The following RAB6B variants were observed in gnomAD, a reference collection of about 807,000 sequenced individuals.
The protein encoded by RAB6B is ras-related protein Rab-6B.
In RAB6B, 7 loss-of-function variants were observed where a neutral mutation model predicts 31.2. The ratio of observed to expected loss-of-function variants is 0.22; its 90% CI spans 0.13 to 0.42. RAB6B has a LOEUF of 0.42. Ranked by LOEUF, RAB6B falls within the 10% of genes least tolerant of loss-of-function variation. The probability of loss-of-function intolerance (pLI) is 1.00; values close to 1 mark genes in which losing one functional copy is unlikely to be tolerated. For missense variants in RAB6B, 149 were observed against 280.6 expected, an observed-to-expected ratio of 0.53 and a Z score of 3.35; for synonymous variants, 105 against 104.9, an observed-to-expected ratio of 1.00 and a Z score of -0.01.
intron 1 of RAB6B, among the ~76,000 whole-genome samples, chr3:133,873,324 T>A (rs1191812729): frequency 6.6e-6 from 1 of 152,226 alleles, no homozygotes; most frequent in Admixed American, 6.5e-5. Context: ...GACGGTCTGC[T>A]GGGGCTCCAC....
intron 1 of RAB6B, among the ~76,000 whole-genome samples, chr3:133,882,345 C>T (rs1340293408): frequency 6.6e-6 from 1 of 152,230 alleles, no homozygotes. Flanking sequence ...CTTTGCCACA[C>T]TATATTTGCT....
chr3:133,861,428 C>A (rs78490450), intron 2 of RAB6B, among the ~76,000 whole-genome samples: 143 of 152,264 alleles, frequency 9.4e-4, no homozygotes, highest in African/African-American at 3.4e-3. Flanking sequence ...ACCTGCTCCC[C>A]TGAGGCATCT....
intron 3 of RAB6B, 43 bp from the exon 4 acceptor site, chr3:133,841,433 G>A: frequency 6.3e-7 from 1 of 1,597,530 alleles, no homozygotes; most frequent in Non-Finnish European, 8.6e-7. Flanking sequence ...GGGTCAGTGG[G>A]GCAGTGAGGT....
intron 6 of RAB6B, 54 bp from the exon 7 acceptor site, chr3:133,834,695 T>C (rs970707174): frequency 7.9e-6 from 12 of 1,512,422 alleles, no homozygotes; most frequent in African/African-American, 1.4e-5. Flanking sequence ...TCCCCTCTGC[T>C]CCTCACTGCA....
Position 133,828,713 on chromosome 3 carries a change from C to G in RAB6B, c.*75G>C, listed in dbSNP as rs774666750. The G allele has an allele frequency of 8.2e-6, 12 of 1,471,688 alleles. No individual in the cohort carries two copies. Among genetic ancestry groups the G allele is most frequent in the South Asian group, 3.4e-5 (3 of 88,154 alleles). The allele number at this position is 1,471,688 out of a possible 1,614,324, so 91.2% of individuals were successfully genotyped here. A position where few individuals can be genotyped will look rare whatever the true frequency, so the allele number is the denominator to read the frequency against. On this transcript the variant is annotated 3_prime_UTR_variant, in exon 8 of 8. Transcript: ENST00000285208. ...CATCTTGATAACTCGGTTCCCTCCC[C>G]CCTTAGGAAGCTAGCCAATAGGAAG...
At chr3:133,834,436 A>T (rs1935702122) in intron 7 of RAB6B, 139 bp downstream of exon 7, 1 of 878,906 alleles carries the variant, frequency 1.1e-6, no homozygotes, top group Non-Finnish European at 1.9e-6. Flanking sequence ...TCCCGCCTAG[A>T]GGAGGCCCCG....
intron 2 of RAB6B, among the ~76,000 whole-genome samples, chr3:133,858,076 T>C (rs1936107476): frequency 6.6e-6 from 1 of 152,120 alleles, no homozygotes; most frequent in Non-Finnish European, 1.5e-5. Flanking sequence ...ATCCCATCAG[T>C]GTCTGGGTCA....
At chr3:133,893,481 AG>A (rs1936665309) in intron 1 of RAB6B, among the ~76,000 whole-genome samples, 1 of 152,182 alleles carries the variant, frequency 6.6e-6, no homozygotes, top group Admixed American at 6.5e-5. Flanking sequence ...GGAGCCCAGC[AG>A]GGGCCTCCGT....
intron 1 of RAB6B, among the ~76,000 whole-genome samples, chr3:133,873,164 A>G (rs1936349485): frequency 6.6e-6 from 1 of 152,246 alleles, no homozygotes; most frequent in South Asian, 2.1e-4. Context: ...TCCACGTAAC[A>G]GTACATGGAC....
chr3:133,864,158 G>T (rs1216576982), intron 2 of RAB6B, among the ~76,000 whole-genome samples: 1 of 143,908 alleles, frequency 6.9e-6, no homozygotes, highest in African/African-American at 2.8e-5. Flanking sequence ...GTTTGTGTGC[G>T]TGTGTGGGGG....
chr3:133,876,686 T>C (rs139586375), intron 1 of RAB6B, among the ~76,000 whole-genome samples: 1 of 152,170 alleles, frequency 6.6e-6, no homozygotes, highest in African/African-American at 2.4e-5. Flanking sequence ...TAAAACTATA[T>C]CAATTGCCAA....
intron 7 of RAB6B, among the ~76,000 whole-genome samples, chr3:133,830,784 G>A (rs1414709028): frequency 6.6e-6 from 1 of 152,192 alleles, no homozygotes; most frequent in African/African-American, 2.4e-5. Context: ...GCCCCTTGTG[G>A]ATGGGCTTCT....
chr3:133,851,916 G>A (rs977062447), intron 2 of RAB6B, among the ~76,000 whole-genome samples: 3 of 152,144 alleles, frequency 2.0e-5, no homozygotes, highest in Non-Finnish European at 4.4e-5. Flanking sequence ...ATGGCCCAAG[G>A]TGCTGCTTCT....
At chr3:133,891,400 C>A (rs1211872110) in intron 1 of RAB6B, among the ~76,000 whole-genome samples, 1 of 152,144 alleles carries the variant, frequency 6.6e-6, no homozygotes, top group Admixed American at 6.5e-5. Flanking sequence ...TACACACAGC[C>A]CAAAGATGAA....
intron 2 of RAB6B, among the ~76,000 whole-genome samples, chr3:133,863,625 C>T (rs1040217651): frequency 9.9e-5 from 15 of 152,130 alleles, no homozygotes; most frequent in Admixed American, 6.5e-5. Context: ...TGCAGCACAG[C>T]AGTAGATTTA....
Position 133,839,966 on chromosome 3 carries a change from T to C in RAB6B, c.290-349A>G, listed in dbSNP as rs1935796814. 2.0e-5 allele frequency among the ~76,000 whole-genome samples: 3 copies of C among 151,840 alleles called. No homozygotes were observed. The South Asian group carries it at 6.3e-4, about 32-fold the overall frequency. The stretch of plus-strand genomic sequence containing the variant: ...GGGATTCAGAGTGGAGAGTGAGAAC[T>C]GGGTCACACGTGTGTGTGCATACAC... On this transcript the variant is annotated intron_variant, in intron 4 of 7. Transcript: ENST00000285208.
chr3:133,887,563 G>A (rs1202647772), intron 1 of RAB6B, among the ~76,000 whole-genome samples: 1 of 152,200 alleles, frequency 6.6e-6, no homozygotes, highest in Non-Finnish European at 1.5e-5. Context: ...CTCAGAGCTG[G>A]CACTGAATTG....
chr3:133,839,327 A>G (rs1333436617), intron 5 of RAB6B, among the ~76,000 whole-genome samples, 179 bp downstream of exon 5: 1 of 152,212 alleles, frequency 6.6e-6, no homozygotes, highest in Non-Finnish European at 1.5e-5. Flanking sequence ...CACAGATGAG[A>G]TACCCATGGA....
rs55951806 is a variant in RAB6B, at chr3:133,827,746, A to ACCCCC, written c.*1037_*1041dup. On this transcript the variant is annotated 3_prime_UTR_variant, in exon 8 of 8. Transcript: ENST00000285208. ...TCAAGGTGGTGGTTCTGCAGACAAC[A>ACCCCC]CCCCCCCCCCCCCCCGCCTCCCCAT... 8 of 73,622 alleles carry ACCCCC rather than the reference A, an allele frequency of 1.1e-4. 1 individual carries two copies. The highest frequency in any genetic ancestry group is 2.1e-4 in the Non-Finnish European group (8 of 37,494). 4.6% of individuals were successfully genotyped at this position (73,622 alleles called of 1,614,324 possible).
Sources: gnomAD v4.1 joint callset for allele counts (sites outside exome capture counted in the v4.1 genomes callset) on GRCh38, gnomAD v4.1.1 for gene constraint, MANE v1.5 for transcripts, NCBI Gene and HGNC (gene_info 2026-07-23, HGNC 2026-07-21) for gene names.